Variants in GRIK4 observed in about 807,000 individuals in gnomAD.
GRIK4 encodes the protein glutamate ionotropic receptor kainate type subunit 4, also known as glutamate receptor ionotropic, kainate 4.
A neutral mutation model predicts 104.9 loss-of-function variants in GRIK4; 40 were observed. The ratio of observed to expected loss-of-function variants is 0.38; its 90% CI spans 0.30 to 0.50. The LOEUF is 0.50. GRIK4 is among the 20% of genes least tolerant of loss of function. GRIK4 has a pLI of 0.93. For missense variants in GRIK4, 1,047 were observed against 1,308.1 expected, an observed-to-expected ratio of 0.80 and a Z score of 3.08; for synonymous variants, 485 against 524.9, an observed-to-expected ratio of 0.92 and a Z score of 1.04.
At chr11:120,517,094 C>G (rs1489191637) in intron 1 of GRIK4, among the ~76,000 whole-genome samples, 1 of 149,034 alleles carries the variant, frequency 6.7e-6, no homozygotes, top group African/African-American at 2.5e-5. Flanking sequence ...ATTCACTGCC[C>G]TGGAAGTTCC....
At chr11:120,579,182 C>A (rs1052083026) in intron 1 of GRIK4, among the ~76,000 whole-genome samples, 12 of 151,790 alleles carry the variant, frequency 7.9e-5, no homozygotes, top group Admixed American at 5.9e-4. Flanking sequence ...GACAGCCAGC[C>A]ATAAACAAGG....
chr11:120,725,887 T>A (rs1211147043), intron 3 of GRIK4, among the ~76,000 whole-genome samples: 1 of 152,184 alleles, frequency 6.6e-6, no homozygotes, highest in East Asian at 1.9e-4. Flanking sequence ...ACAAAGAGAA[T>A]TCTAGTGATG....
intron 3 of GRIK4, among the ~76,000 whole-genome samples, chr11:120,713,014 G>A (rs1182004925): frequency 6.6e-6 from 1 of 152,178 alleles, no homozygotes; most frequent in African/African-American, 2.4e-5. Context: ...GTGGGGATGA[G>A]AGAGGCAGTG....
chr11:120,783,206 C>A (rs766193630), intron 3 of GRIK4, among the ~76,000 whole-genome samples: 1 of 152,250 alleles, frequency 6.6e-6, no homozygotes, highest in Non-Finnish European at 1.5e-5. Flanking sequence ...TTGTTCCCCT[C>A]TCTGTGCCTA....
At chr11:120,805,232 A>G (rs12289237) in intron 4 of GRIK4, among the ~76,000 whole-genome samples, 19,312 of 151,976 alleles carry the variant, frequency 0.13, 3,910 homozygotes, top group African/African-American at 0.43. Context: ...TTGTCCAGGG[A>G]GGCAAGTCTC....
At chr11:120,692,732 G>A (rs562751555) in intron 3 of GRIK4, among the ~76,000 whole-genome samples, 5 of 152,214 alleles carry the variant, frequency 3.3e-5, no homozygotes, top group Admixed American at 3.3e-4. Context: ...GGAGAAACAG[G>A]CAACTCTTTT....
At chr11:120,542,988 T>C (rs1565544105) in intron 1 of GRIK4, among the ~76,000 whole-genome samples, 1 of 152,210 alleles carries the variant, frequency 6.6e-6, no homozygotes, top group Non-Finnish European at 1.5e-5. Flanking sequence ...GTTCCTGCTT[T>C]CTCTAATTTG....
chr11:120,641,632 C>T (rs1949473353), intron 1 of GRIK4, among the ~76,000 whole-genome samples: 1 of 152,148 alleles, frequency 6.6e-6, no homozygotes, highest in African/African-American at 2.4e-5. Context: ...TTTTAACATG[C>T]TAATGCATTA....
intron 3 of GRIK4, among the ~76,000 whole-genome samples, chr11:120,738,107 C>T (rs2004901): frequency 0.73 from 111,682 of 152,104 alleles, 41,246 homozygotes; most frequent in Middle Eastern, 0.85. Context: ...GGAGCCGCCA[C>T]GGAGGCAAGA....
intron 3 of GRIK4, among the ~76,000 whole-genome samples, chr11:120,796,664 C>T (rs1433011526): frequency 6.6e-6 from 1 of 152,032 alleles, no homozygotes; most frequent in African/African-American, 2.4e-5. Flanking sequence ...ATGGGCCAGT[C>T]CAGGACTGTA....
intron 9 of GRIK4, chr11:120,871,684 C>A (rs570601550): frequency 1.8e-4 from 83 of 456,150 alleles, no homozygotes; most frequent in Non-Finnish European, 3.5e-4. Flanking sequence ...GATCCAGTAT[C>A]TCTGTGGAGA....
In GRIK4 at chr11:120,962,470, G is replaced by A. The variant is rs1294190461; in HGVS notation, c.2055G>A (p.Gln685=). The change falls in exon 18 of 21, where the codon CAG becomes CAA. Residue 685 remains glutamine, a synonymous_variant. Coordinates refer to ENST00000527524, the MANE Select transcript of GRIK4 (RefSeq NM_014619.5). ...TCTTTTCCCAGAATTCCCGCTACCA[G>A]ACCTACCAACGCATGTGGAATTACA... is the stretch of plus-strand genomic sequence containing the variant. ...SMTFFQNSRY[Q]TYQRMWNYMY... is the part of the protein sequence containing the mutation. 1 of 1,612,324 alleles carries A rather than the reference G, an allele frequency of 6.2e-7. No individual in the cohort carries two copies. Among genetic ancestry groups the A allele is most frequent in the Admixed American group, 1.7e-5 (1 of 59,966 alleles).
intron 8 of GRIK4, chr11:120,858,519 G>A (rs1054735242): frequency 6.6e-6 from 1 of 152,144 alleles, no homozygotes; most frequent in Non-Finnish European, 1.5e-5. Context: ...GAAGTTCAGG[G>A]TTAAACAAAA....
chr11:120,584,220 G>A (rs564347157), intron 1 of GRIK4, among the ~76,000 whole-genome samples: 64 of 152,266 alleles, frequency 4.2e-4, no homozygotes, highest in Non-Finnish European at 7.1e-4. Context: ...TTCTAGTACT[G>A]CAGGGGAATG....
intron 3 of GRIK4, among the ~76,000 whole-genome samples, chr11:120,760,112 A>T (rs570777125): frequency 6.6e-6 from 1 of 151,952 alleles, no homozygotes; most frequent in East Asian, 1.9e-4. Flanking sequence ...GCCATTTTGT[A>T]TTCTTAGACT....
At chr11:120,814,487 T>G (rs556116731) in intron 4 of GRIK4, among the ~76,000 whole-genome samples, 1 of 152,212 alleles carries the variant, frequency 6.6e-6, no homozygotes, top group African/African-American at 2.4e-5. Context: ...GTAATCCCAG[T>G]TACTCCTGAG....
At chr11:120,644,044 T>TGTGTGTGTGTGTGTGAGA (rs1446673011) in intron 1 of GRIK4, among the ~76,000 whole-genome samples, 7 of 112,724 alleles carry the variant, frequency 6.2e-5, no homozygotes, top group Admixed American at 2.7e-4. Context: ...TGTGTGTGTG[T>TGTGTGTGTGTGTGTGAGA]GAGAGAGAGA....
At chr11:120,551,798 T>TA (rs1335670253) in intron 1 of GRIK4, among the ~76,000 whole-genome samples, 1 of 150,918 alleles carries the variant, frequency 6.6e-6, no homozygotes, top group Non-Finnish European at 1.5e-5. Flanking sequence ...AATAAATAAA[T>TA]AAATAAATAA....
chr11:120,590,222 C>T (rs1193500390), intron 1 of GRIK4, among the ~76,000 whole-genome samples: 2 of 152,192 alleles, frequency 1.3e-5, no homozygotes, highest in Non-Finnish European at 2.9e-5. Context: ...TGACACCCTG[C>T]CTTCACCTTG....
Sources: allele counts gnomAD v4.1 joint callset (sites outside exome capture counted in the v4.1 genomes callset), GRCh38; gene constraint gnomAD v4.1.1; transcripts MANE v1.5; gene names NCBI Gene and HGNC (gene_info 2026-07-23, HGNC 2026-07-21).